Variants in FEZ1 observed in about 807,000 individuals in gnomAD.
The protein encoded by FEZ1 is fasciculation and elongation protein zeta-1.
In FEZ1, 20 loss-of-function variants were observed where a neutral mutation model predicts 49.3. The observed-to-expected ratio is 0.41, with a 90% CI of 0.29 to 0.59. The LOEUF is 0.59. Ranked by LOEUF, FEZ1 falls within the 20% of genes least tolerant of loss-of-function variation. The pLI, the probability that FEZ1 is intolerant of heterozygous loss-of-function variation, is 0.36. For missense variants in FEZ1, 413 were observed against 476.0 expected (o/e 0.87, Z 1.23); for synonymous variants, 170 against 180.9 (o/e 0.94, Z 0.48).
At chr11:125,476,502 T>A (rs915467081) in intron 3 of FEZ1, among the ~76,000 whole-genome samples, 2 of 152,094 alleles carry the variant, frequency 1.3e-5, no homozygotes, top group Non-Finnish European at 2.9e-5. Context: ...ACGTCACAAT[T>A]TGAAGTCATG....
rs370562692 is a variant in FEZ1 at position 125,461,560 on chromosome 11, C to T, written c.499-894G>A. ...AGGTAGAGGTTGCAGTGAACCGAGA[C>T]TGGGCCACTGGACTCCAGCCTGGGC... On this transcript the variant is annotated intron_variant, in intron 4 of 9. Coordinates refer to ENST00000278919, the MANE Select transcript of FEZ1 (RefSeq NM_005103.5). Among the ~76,000 whole-genome samples, 61 of 152,212 alleles carry T rather than the reference C, an allele frequency of 4.0e-4. No homozygotes were observed. The South Asian group carries it at 7.3e-3, about 18-fold the overall frequency.
At chr11:125,447,023 G>A (rs539376784) in intron 9 of FEZ1, among the ~76,000 whole-genome samples, 2 of 152,104 alleles carry the variant, frequency 1.3e-5, no homozygotes, top group Non-Finnish European at 2.9e-5. Flanking sequence ...CTCTGCAACC[G>A]TACATAGTTT....
At chr11:125,464,551 A>T (rs1213956108) in intron 3 of FEZ1, among the ~76,000 whole-genome samples, 1 of 152,136 alleles carries the variant, frequency 6.6e-6, no homozygotes, top group East Asian at 1.9e-4. Context: ...TGGGGCTTGT[A>T]TTCTGCCTTT....
intron 2 of FEZ1, among the ~76,000 whole-genome samples, chr11:125,486,512 T>C (rs1376416086): frequency 6.6e-6 from 1 of 152,240 alleles, no homozygotes; most frequent in Non-Finnish European, 1.5e-5. Context: ...CAGAGATAAG[T>C]TGACAAATCT....
Position 125,445,720 on chromosome 11 carries a change from T to A in FEZ1, c.*375A>T, listed in dbSNP as rs1372642005. On this transcript the variant is annotated 3_prime_UTR_variant, in exon 10 of 10. Coordinates refer to ENST00000278919, the MANE Select transcript of FEZ1 (RefSeq NM_005103.5). The surrounding 1 kb of genome is among the most constrained non-coding windows in gnomAD (Gnocchi z 4.4). The stretch of plus-strand genomic sequence containing the variant: ...TCTGGAGTCTGGAGCAGAGGGCTAA[T>A]GGACATCACACTCCAAAGCACATGA... 4.0e-5 allele frequency: 14 copies of A among 346,814 alleles called. 1 individual carries two copies. The highest frequency in any genetic ancestry group is 5.7e-5 in the Non-Finnish European group (10 of 175,518). The allele number at this position is 346,814 out of a possible 1,614,324, so 21.5% of individuals were successfully genotyped here. A position where few individuals can be genotyped will look rare whatever the true frequency, so the allele number is the denominator to read the frequency against.
chr11:125,463,291 G>A, intron 4 of FEZ1, 193 bp downstream of exon 4: 1 of 426,814 alleles, frequency 2.3e-6, no homozygotes, highest in South Asian at 2.7e-5. Flanking sequence ...GGGCAACAGA[G>A]CAAGACTCTG....
intron 7 of FEZ1, chr11:125,452,651 C>G (rs1956968632): frequency 2.2e-6 from 1 of 453,970 alleles, no homozygotes; most frequent in Non-Finnish European, 3.9e-6. Context: ...ACAAACTTCT[C>G]TGTTATTTAG....
chr11:125,487,678 A>C (rs1181897197), intron 2 of FEZ1, among the ~76,000 whole-genome samples: 2 of 152,272 alleles, frequency 1.3e-5, no homozygotes, highest in African/African-American at 4.8e-5. Flanking sequence ...TTAATTAAAA[A>C]GAAAAGAAGG....
At chr11:125,480,962 C>G (rs1467144375) in intron 3 of FEZ1, among the ~76,000 whole-genome samples, 2 of 151,936 alleles carry the variant, frequency 1.3e-5, no homozygotes, top group East Asian at 3.9e-4. Flanking sequence ...TCCCTTGAAC[C>G]CGGGAGGCGA....
intron 3 of FEZ1, among the ~76,000 whole-genome samples, chr11:125,477,297 C>T (rs1450128725): frequency 6.7e-6 from 1 of 149,712 alleles, no homozygotes; most frequent in Admixed American, 6.7e-5. Context: ...AAGTTCAAGA[C>T]TAGCCTGGCC....
rs750993231 is a variant in FEZ1, at chr11:125,463,467, T to C, written c.498+17A>G. The C allele has an allele frequency of 6.7e-7, 1 of 1,491,398 alleles. No individual in the cohort carries two copies. Among genetic ancestry groups the C allele is most frequent in the South Asian group, 1.1e-5 (1 of 88,214 alleles). 92.4% of individuals were successfully genotyped at this position (1,491,398 alleles called of 1,614,324 possible). A position where few individuals can be genotyped will look rare whatever the true frequency, so the allele number is the denominator to read the frequency against. ...AAAAGAACAAAAGGTCCCGATAACC[T>C]GGAGAGATACTTATACCTGATCTGC... On this transcript the variant is annotated intron_variant, in intron 4 of 9. Coordinates refer to ENST00000278919, the MANE Select transcript of FEZ1 (RefSeq NM_005103.5).
rs534707410 is a variant in FEZ1, at chr11:125,495,107, G to C, written c.-46+1014C>G. Reference sequence around the variant, plus strand: ...TTGCATATGGATCAGCAACCCCTTCGCGGTTCTGCTTGCTCCCCTCCCCCT... The same window carrying C: ...TTGCATATGGATCAGCAACCCCTTCCCGGTTCTGCTTGCTCCCCTCCCCCT... On this transcript the variant is annotated intron_variant, in intron 1 of 9. Transcript: ENST00000278919. This position sits in a 1 kb window ranked among gnomAD's most constrained non-coding sequence, Gnocchi z 4.2. The C allele has an allele frequency of 1.5e-5, 5 of 342,632 alleles. No individual in the cohort carries two copies. The highest frequency in any genetic ancestry group is 6.5e-5 in the African/African-American group (3 of 46,306). The allele number at this position is 342,632 out of a possible 1,614,324, so 21.2% of individuals were successfully genotyped here. A position where few individuals can be genotyped will look rare whatever the true frequency, so the allele number is the denominator to read the frequency against.
In FEZ1 at chr11:125,463,143, A is replaced by T. The variant is rs532032788; in HGVS notation, c.498+341T>A. 605 of 159,190 alleles carry T rather than the reference A, an allele frequency of 3.8e-3. 7 individuals carry two copies. The highest frequency in any genetic ancestry group is 1.0e-2 in the South Asian group (54 of 5,412). 9.9% of individuals were successfully genotyped at this position (159,190 alleles called of 1,614,324 possible). On this transcript the variant is annotated intron_variant, in intron 4 of 9. Coordinates refer to ENST00000278919, the MANE Select transcript of FEZ1 (RefSeq NM_005103.5). The stretch of plus-strand genomic sequence containing the variant: ...GGTGAAATCACATCTCTACCAAAAA[A>T]TTTTTTATAAGAATTAGCCAGGCAT...
In FEZ1 at chr11:125,489,097, C is replaced by T. The variant is rs1591603052; in HGVS notation, c.311+370G>A. 1.0e-6 allele frequency: 1 copy of T among 993,304 alleles called. No individual in the cohort carries two copies. Among genetic ancestry groups the T allele is most frequent in the East Asian group, 1.1e-4 (1 of 9,178 alleles). The allele number at this position is 993,304 out of a possible 1,614,324, so 61.5% of individuals were successfully genotyped here. A position where few individuals can be genotyped will look rare whatever the true frequency, so the allele number is the denominator to read the frequency against. On this transcript the variant is annotated intron_variant, in intron 2 of 9. Transcript: ENST00000278919. The surrounding 1 kb of genome is among the most constrained non-coding windows in gnomAD (Gnocchi z 4.2). Reference sequence around the variant, plus strand: ...TTCTTGAAGCAAATTAGTCCAATAACATAGATTCATCCATCATGGTTAATT... The same window carrying T: ...TTCTTGAAGCAAATTAGTCCAATAATATAGATTCATCCATCATGGTTAATT...
At position 125,445,605 on chromosome 11, in the gene FEZ1, C is replaced by A. The variant is rs1956891366; in HGVS notation, c.*490G>T. ...ACTGTGTCCCATGATCCCACCACGA[C>A]CCACAACAGGACATGCGCCCGGTCC... is the stretch of plus-strand genomic sequence containing the variant. On this transcript the variant is annotated 3_prime_UTR_variant, in exon 10 of 10. Coordinates refer to ENST00000278919, the MANE Select transcript of FEZ1 (RefSeq NM_005103.5). This position sits in a 1 kb window ranked among gnomAD's most constrained non-coding sequence, Gnocchi z 4.4. 1 of 264,152 alleles carries A rather than the reference C, an allele frequency of 3.8e-6. No homozygotes were observed. The highest frequency in any genetic ancestry group is 2.2e-5 in the African/African-American group (1 of 44,730). 16.4% of individuals were successfully genotyped at this position (264,152 alleles called of 1,614,324 possible). A position where few individuals can be genotyped will look rare whatever the true frequency, so the allele number is the denominator to read the frequency against.
Position 125,446,097 on chromosome 11 carries a change from A to G in FEZ1, c.1177T>C (p.Ter393GlnextTer24). The part of the protein sequence containing the change: ...DYILKVLCPT[*>Q] The stretch of plus-strand genomic sequence containing the variant: ...CGAGGCTGCTCCAAAGGGCAAGGTT[A>G]GGTAGGGCAGAGCACTGCAACGAGA... The change falls in exon 10 of 10, where the codon TAA becomes CAA. Residue 393 changes from the stop codon to glutamine (Q), a stop_lost. Transcript: ENST00000278919. The G allele has an allele frequency of 6.2e-7, 1 of 1,613,996 alleles. No homozygotes were observed. The highest frequency in any genetic ancestry group is 8.5e-7 in the Non-Finnish European group (1 of 1,179,876).
chr11:125,462,285 C>T (rs1591587232), intron 4 of FEZ1, among the ~76,000 whole-genome samples: 2 of 152,318 alleles, frequency 1.3e-5, no homozygotes, highest in Admixed American at 6.5e-5. Context: ...AATAAGGAAT[C>T]CAGAAACTGA....
At position 125,460,624 on chromosome 11, in the gene FEZ1, G is replaced by A. The variant is rs201511080; in HGVS notation, c.541C>T (p.Pro181Ser). 2.5e-6 allele frequency: 4 copies of A among 1,613,912 alleles called. No homozygotes were observed. In the South Asian group the frequency reaches 3.3e-5, roughly 13 times the overall value. Residue 181 changes from proline (P) to serine (S), a missense_variant, in exon 5 of 10, where the codon CCT (proline) becomes TCT (serine). By Grantham distance (74) the Pro-to-Ser change is moderately conservative (BLOSUM62 -1). Coordinates refer to ENST00000278919, the MANE Select transcript of FEZ1 (RefSeq NM_005103.5). Reference protein sequence around the residue: ...IEEMMQNSPDPEEEEEVLEEE... With the variant: ...IEEMMQNSPDSEEEEEVLEEE... ...TCCAGAACCTCCTCTTCTTCCTCAG[G>A]GTCTGGGGAGTTCTGCATCATTTCC...
intron 1 of FEZ1, among the ~76,000 whole-genome samples, chr11:125,493,359 G>A (rs11220095): frequency 5.0e-4 from 29 of 58,178 alleles, no homozygotes; most frequent in South Asian, 2.9e-3. Context: ...GAAAGAAAGA[G>A]AGAAAAGAAA....
Sources: allele counts gnomAD v4.1 joint callset (sites outside exome capture counted in the v4.1 genomes callset), GRCh38; gene constraint gnomAD v4.1.1; non-coding constraint Gnocchi (gnomAD v3.1); transcripts MANE v1.5; gene names NCBI Gene and HGNC (gene_info 2026-07-23, HGNC 2026-07-21).